Variants in KCNG2 observed in about 807,000 individuals in gnomAD.
KCNG2 encodes the protein potassium voltage-gated channel modifier subfamily G member 2.
A neutral mutation model predicts 12.3 loss-of-function variants in KCNG2; 7 were observed. The ratio of observed to expected loss-of-function variants is 0.57; its 90% CI spans 0.32 to 1.07. The LOEUF (loss-of-function observed/expected upper bound fraction) is 1.07. Among genes scored for constraint, KCNG2 ranks in the 50% least tolerant of loss-of-function variants. The probability of loss-of-function intolerance (pLI) is 0.04; values close to 1 mark genes in which losing one functional copy is unlikely to be tolerated. For synonymous variants in KCNG2, 414 were observed against 351.4 expected (o/e 1.18, Z -1.99); for missense variants, 703 against 726.0 (o/e 0.97, Z 0.36).
In KCNG2 at chr18:79,887,165, CAA is replaced by C. The variant is rs1307606815; in HGVS notation, c.625-11874_625-11873del. Among the ~76,000 whole-genome samples the C allele has an allele frequency of 3.2e-3, 454 of 141,366 alleles. 5 individuals are homozygous for C. Among genetic ancestry groups the C allele is most frequent in the African/African-American group, 0.013 (436 of 32,610 alleles). 92.7% of individuals were successfully genotyped at this position (141,366 alleles called of 152,430 possible). On this transcript the variant is annotated intron_variant, in intron 3 of 3. Coordinates refer to ENST00000316249, the MANE Select transcript of KCNG2 (RefSeq NM_012283.2). ...GGACAGGGACACGGGGACAGAGGGA[CAA>C]GGACACAGGGAGGGACACAGGACAG... is the stretch of plus-strand genomic sequence containing the variant.
chr18:79,869,381 C>G (rs890214248), intron 3 of KCNG2, among the ~76,000 whole-genome samples: 1 of 152,178 alleles, frequency 6.6e-6, no homozygotes, highest in African/African-American at 2.4e-5. Flanking sequence ...CCGTGCGTCC[C>G]CAGCAGTGCT....
intron 1 of KCNG2, among the ~76,000 whole-genome samples, chr18:79,837,497 C>A (rs574148727): frequency 6.6e-6 from 1 of 152,364 alleles, no homozygotes; most frequent in East Asian, 1.9e-4. Flanking sequence ...CCCCACATTT[C>A]CCCTCTGCTT....
At chr18:79,826,214 G>A (rs547052500) in intron 1 of KCNG2, among the ~76,000 whole-genome samples, 1 of 152,280 alleles carries the variant, frequency 6.6e-6, no homozygotes, top group East Asian at 1.9e-4. Flanking sequence ...GCCTCCGTGG[G>A]AGAAGGGTCG....
At chr18:79,850,244 C>T (rs1390435264) in intron 1 of KCNG2, among the ~76,000 whole-genome samples, 1 of 152,230 alleles carries the variant, frequency 6.6e-6, no homozygotes, top group African/African-American at 2.4e-5. Flanking sequence ...CCCTCCCTCT[C>T]TCTAATCACA....
intron 3 of KCNG2, among the ~76,000 whole-genome samples, chr18:79,892,411 A>T (rs929169218): frequency 2.0e-5 from 3 of 152,140 alleles, no homozygotes; most frequent in Admixed American, 2.0e-4. Flanking sequence ...GTTACATTGT[A>T]TCTATTTCTG....
At chr18:79,871,204 G>A (rs534823950) in intron 3 of KCNG2, among the ~76,000 whole-genome samples, 8 of 152,370 alleles carry the variant, frequency 5.3e-5, no homozygotes, top group Middle Eastern at 3.4e-3. Context: ...CTGCACCTGC[G>A]TGAGGCTAAG....
chr18:79,848,516 TC>T (rs2123045379), intron 1 of KCNG2, among the ~76,000 whole-genome samples: 1 of 152,254 alleles, frequency 6.6e-6, no homozygotes, highest in East Asian at 1.9e-4. Context: ...GGGACATCCG[TC>T]CCTGGACTCA....
Position 79,899,578 on chromosome 18 carries a change from G to C in KCNG2, c.1163G>C (p.Ser388Thr), listed in dbSNP as rs2123142547. The change falls in exon 4 of 4, where the codon AGC (serine) becomes ACC (threonine). Residue 388 changes from serine to threonine, a missense_variant. Coordinates refer to ENST00000316249, the MANE Select transcript of KCNG2 (RefSeq NM_012283.2). ...RSLPGQVVAL[S>T]SILSGILLMA... ...CTGCCCGGGCAGGTGGTGGCGCTCAGCAGCATCCTCAGCGGCATCCTGCTC... is the reference window on the plus strand; with the variant it reads ...CTGCCCGGGCAGGTGGTGGCGCTCACCAGCATCCTCAGCGGCATCCTGCTC... The C allele has an allele frequency of 6.2e-7, 1 of 1,600,334 alleles. No homozygotes were observed. The highest frequency in any genetic ancestry group is 8.5e-7 in the Non-Finnish European group (1 of 1,173,424).
intron 3 of KCNG2, among the ~76,000 whole-genome samples, chr18:79,879,415 G>A (rs993665798): frequency 1.3e-5 from 2 of 152,210 alleles, no homozygotes; most frequent in African/African-American, 4.8e-5. Context: ...GGGAAACACA[G>A]GAAACATCAG....
rs987750875 is a variant in KCNG2, at chr18:79,875,206, G to A, written c.624+10915G>A. Among the ~76,000 whole-genome samples, 3 of 152,154 alleles carry A rather than the reference G, an allele frequency of 2.0e-5. No individual in the cohort carries two copies. The South Asian group carries it at 6.2e-4, about 31-fold the overall frequency. On this transcript the variant is annotated intron_variant, in intron 3 of 3. Coordinates refer to ENST00000316249, the MANE Select transcript of KCNG2 (RefSeq NM_012283.2). ...ACTGGCCATGAGGAGATTGCCCTACGTTGTCTGATGGGGTCCTAAGACCCC... is the reference window on the plus strand; with the variant it reads ...ACTGGCCATGAGGAGATTGCCCTACATTGTCTGATGGGGTCCTAAGACCCC...
intron 1 of KCNG2, among the ~76,000 whole-genome samples, chr18:79,820,299 T>A (rs938936664): frequency 1.3e-5 from 2 of 152,232 alleles, no homozygotes; most frequent in Non-Finnish European, 2.9e-5. Context: ...AGTTCCTGTT[T>A]TCACTTCCTC....
At chr18:79,897,699 CT>C (rs1461318001) in intron 3 of KCNG2, among the ~76,000 whole-genome samples, 1 of 152,058 alleles carries the variant, frequency 6.6e-6, no homozygotes, top group African/African-American at 2.4e-5. Flanking sequence ...TATTCTAGCC[CT>C]TTTGGTAGTC....
intron 2 of KCNG2, among the ~76,000 whole-genome samples, chr18:79,858,484 G>A (rs1979100573): frequency 6.6e-6 from 1 of 152,174 alleles, no homozygotes; most frequent in Admixed American, 6.5e-5. Context: ...TGGAATTTGG[G>A]TTGTTTTCAG....
At position 79,852,248 on chromosome 18, in the gene KCNG2, G is replaced by A. The variant is rs145766426; in HGVS notation, c.-114-4131G>A. On this transcript the variant is annotated intron_variant, in intron 1 of 3. Coordinates refer to ENST00000316249, the MANE Select transcript of KCNG2 (RefSeq NM_012283.2). ...GGAAGCGCGCTCCCATTTCCCAAGC[G>A]CCCGCCCCGGGGAAAACGTGGCGTG... 6.5e-3 allele frequency among the ~76,000 whole-genome samples: 991 copies of A among 152,298 alleles called. 5 individuals are homozygous for A. Among genetic ancestry groups the A allele is most frequent in the African/African-American group, 0.022 (906 of 41,568 alleles).
chr18:79,881,763 G>A (rs1178690002), intron 3 of KCNG2, among the ~76,000 whole-genome samples: 2 of 152,170 alleles, frequency 1.3e-5, no homozygotes, highest in Non-Finnish European at 1.5e-5. Context: ...ACATCTTTAT[G>A]GAAAGGCCTA....
chr18:79,893,853 A>T (rs1980841327), intron 3 of KCNG2, among the ~76,000 whole-genome samples: 1 of 151,890 alleles, frequency 6.6e-6, no homozygotes, highest in South Asian at 2.1e-4. Flanking sequence ...ATAACGATAT[A>T]GTTGGGTCTG....
At chr18:79,892,209 TGCTTCATTTACTTA>T (rs1293587605) in intron 3 of KCNG2, among the ~76,000 whole-genome samples, 2 of 152,252 alleles carry the variant, frequency 1.3e-5, no homozygotes, top group Non-Finnish European at 2.9e-5. Context: ...GTTCAGTTTT[TGCTTCATTTACTTA>T]TTGCTGTATT....
intron 1 of KCNG2, among the ~76,000 whole-genome samples, chr18:79,812,877 G>C (rs2087502261): frequency 1.3e-5 from 2 of 151,660 alleles, no homozygotes; most frequent in East Asian, 3.9e-4. Flanking sequence ...AAGTAAATAG[G>C]CCAGGCACAG....
At chr18:79,843,402 AG>A (rs887909842) in intron 1 of KCNG2, among the ~76,000 whole-genome samples, 9 of 152,340 alleles carry the variant, frequency 5.9e-5, no homozygotes, top group African/African-American at 1.9e-4. Flanking sequence ...AAAATATTAA[AG>A]GATAAAACTT....
Sources: allele counts gnomAD v4.1 joint callset (sites outside exome capture counted in the v4.1 genomes callset), GRCh38; gene constraint gnomAD v4.1.1; transcripts MANE v1.5; gene names NCBI Gene and HGNC (gene_info 2026-07-23, HGNC 2026-07-21).